The following C1QTNF5 variants were observed in gnomAD, a reference collection of about 807,000 sequenced individuals.
C1QTNF5 encodes the protein complement C1q tumor necrosis factor-related protein 5.
In C1QTNF5, 5 loss-of-function variants were observed where a neutral mutation model predicts 10.9. The ratio of observed to expected loss-of-function variants is 0.46; its 90% CI spans 0.24 to 0.97. The LOEUF (loss-of-function observed/expected upper bound fraction) is 0.97. Ranked by LOEUF, C1QTNF5 falls within the 50% of genes least tolerant of loss-of-function variation. C1QTNF5 has a pLI of 0.19. For missense variants in C1QTNF5, 281 were observed against 339.4 expected (o/e 0.83, Z 1.35); for synonymous variants, 161 against 156.5 (o/e 1.03, Z -0.22).
chr11:119,344,507 G>A (rs1407968293), upstream of C1QTNF5: 2 of 1,579,084 alleles, frequency 1.3e-6, no homozygotes, highest in Non-Finnish European at 1.7e-6. Flanking sequence ...CAAGTTCTGG[G>A]CCAAAGAATG....
At chr11:119,345,616 A>G, upstream of C1QTNF5, 1 of 1,613,732 alleles carries the variant, frequency 6.2e-7, no homozygotes, top group Non-Finnish European at 8.5e-7. Flanking sequence ...CTTGGGCCAG[A>G]GAGGAGGCCT....
chr11:119,341,886 C>T (rs760660188), upstream of C1QTNF5: 17 of 1,613,898 alleles, frequency 1.1e-5, no homozygotes, highest in East Asian at 3.6e-4. Context: ...TCTACCACCT[C>T]CTCCTGGGTG....
upstream of C1QTNF5, chr11:119,345,440 C>A (rs1363536332): frequency 6.2e-7 from 1 of 1,613,930 alleles, no homozygotes; most frequent in Non-Finnish European, 8.5e-7. Context: ...GGCCTTCAGG[C>A]TCAGGGGAGA....
At chr11:119,345,556 G>A (rs886047834), upstream of C1QTNF5, 1 of 1,614,042 alleles carries the variant, frequency 6.2e-7, no homozygotes. Flanking sequence ...CACACGCAGT[G>A]GGTGTTGGGG....
At chr11:119,346,162 G>A in the C1QTNF5 span, 1 of 1,586,100 alleles carries the variant, frequency 6.3e-7, no homozygotes. Context: ...ACGCCGACCT[G>A]CGGGTTGGCA....
At chr11:119,344,621 C>A, upstream of C1QTNF5, 1 of 1,614,026 alleles carries the variant, frequency 6.2e-7, no homozygotes, top group Non-Finnish European at 8.5e-7. Context: ...ACCCCCATGC[C>A]TGGCCCGTAC....
chr11:119,340,152 C>A, intron 2 of C1QTNF5, 32 bp downstream of exon 2: 2 of 1,506,098 alleles, frequency 1.3e-6, no homozygotes, highest in South Asian at 1.3e-5. Context: ...GCTCGGACAT[C>A]GCCACCGATA....
upstream of C1QTNF5, chr11:119,342,960 G>A (rs927210885): frequency 1.2e-6 from 2 of 1,611,218 alleles, no homozygotes; most frequent in South Asian, 1.1e-5. Context: ...GCCAGCTCAT[G>A]GTGCGAGGAG....
upstream of C1QTNF5, chr11:119,344,034 C>T: frequency 6.3e-7 from 1 of 1,594,748 alleles, no homozygotes; most frequent in Non-Finnish European, 8.5e-7. Context: ...CCAGAAGGGT[C>T]TTCTTCCCCC....
chr11:119,342,920 C>G (rs1405084891), upstream of C1QTNF5: 2 of 1,612,862 alleles, frequency 1.2e-6, no homozygotes, highest in African/African-American at 2.7e-5. Flanking sequence ...GCCTCCACTG[C>G]TGATGCCATG....
upstream of C1QTNF5, chr11:119,341,460 G>A: frequency 8.6e-7 from 1 of 1,157,424 alleles, no homozygotes; most frequent in East Asian, 2.4e-5. Context: ...TAGAGACCCT[G>A]CTGATGCTCC....
chr11:119,340,649 C>G (rs1288076471), intron 1 of C1QTNF5, 46 bp downstream of exon 1: 4 of 540,316 alleles, frequency 7.4e-6, no homozygotes, highest in Non-Finnish European at 1.3e-5. Context: ...CCAGCCTTTC[C>G]CACAGTCCCC....
chr11:119,339,471 T>G lies in C1QTNF5; in HGVS notation c.592A>C (p.Arg198=), dbSNP rs2135363894. ...PASLSGGAMV[R]LEPEDQVWVQ... ...CACACTTGGTCCTCAGGCTCCAGCC[T>G]CACCATGGCCCCCCCCGAGAGCGAG... Residue 198 remains arginine, a synonymous_variant, in exon 3 of 3, where the codon AGG becomes CGG. Coordinates refer to ENST00000528368, the MANE Select transcript of C1QTNF5 (RefSeq NM_001278431.2). This position sits in a 1 kb window ranked among gnomAD's most constrained non-coding sequence, Gnocchi z 5.4. The G allele has an allele frequency of 6.2e-7, 1 of 1,612,746 alleles. No homozygotes were observed. Among genetic ancestry groups the G allele is most frequent in the South Asian group, 1.1e-5 (1 of 90,958 alleles).
upstream of C1QTNF5, chr11:119,341,918 G>A (rs779506789): frequency 6.2e-7 from 1 of 1,614,040 alleles, no homozygotes; most frequent in Non-Finnish European, 8.5e-7. Context: ...CCAGATGTTA[G>A]GGAAGGCTGT....
At position 119,339,712 on chromosome 11, in the gene C1QTNF5, C is replaced by T; in HGVS notation, c.351G>A (p.Pro117=). 6.2e-7 allele frequency: 1 copy of T among 1,603,236 alleles called. No homozygotes were observed. Among genetic ancestry groups the T allele is most frequent in the Non-Finnish European group, 8.5e-7 (1 of 1,178,654 alleles). The change falls in exon 3 of 3, where the codon CCG becomes CCA. Residue 117 remains proline, a synonymous_variant. Transcript: ENST00000528368. The surrounding 1 kb of genome is among the most constrained non-coding windows in gnomAD (Gnocchi z 5.4). ...SAKRSESRVP[P]PSDAPLPFDR... ...CGAAGGGCAAGGGTGCGTCAGACGGCGGAGGCACCCGGCTCTCGGAGCGCT... is the reference window on the plus strand; with the variant it reads ...CGAAGGGCAAGGGTGCGTCAGACGGTGGAGGCACCCGGCTCTCGGAGCGCT...
the C1QTNF5 span, chr11:119,346,426 G>C: frequency 6.2e-7 from 1 of 1,613,328 alleles, no homozygotes; most frequent in Non-Finnish European, 8.5e-7. Flanking sequence ...CACTGGTGCT[G>C]GGTCTTAGGA....
At chr11:119,344,166 T>G, upstream of C1QTNF5, 1 of 953,250 alleles carries the variant, frequency 1.0e-6, no homozygotes, top group East Asian at 2.5e-5. Flanking sequence ...CAGCAGGCAC[T>G]TAATAATATT....
upstream of C1QTNF5, chr11:119,343,691 A>AC (rs1565293821): frequency 2.5e-6 from 3 of 1,207,040 alleles, no homozygotes; most frequent in Non-Finnish European, 3.6e-6. Flanking sequence ...TGGTGAAGAG[A>AC]CCCCCGGCCT....
At chr11:119,342,898 G>C (rs371946990), upstream of C1QTNF5, 1 of 1,613,056 alleles carries the variant, frequency 6.2e-7, no homozygotes, top group South Asian at 1.1e-5. Context: ...AGGCCAGGTA[G>C]GTGGCTGAGA....
Sources: allele counts gnomAD v4.1 joint callset, GRCh38; gene constraint gnomAD v4.1.1; non-coding constraint Gnocchi (gnomAD v3.1); transcripts MANE v1.5; gene names NCBI Gene and HGNC (gene_info 2026-07-23, HGNC 2026-07-21).